Variants in PALD1 observed in about 807,000 individuals in gnomAD.
The protein encoded by PALD1 is phosphatase domain containing paladin 1.
In PALD1, 57 loss-of-function variants were observed where a neutral mutation model predicts 96.0. The observed-to-expected ratio is 0.59, with a 90% confidence interval of 0.48 to 0.74. The LOEUF is 0.74. Ranked by LOEUF, PALD1 falls within the 30% of genes least tolerant of loss-of-function variation. The pLI, the probability that PALD1 is intolerant of heterozygous loss-of-function variation, is 0.00. For synonymous variants in PALD1, 464 were observed against 473.6 expected, an observed-to-expected ratio of 0.98 and a Z score of 0.26; for missense variants, 1,063 against 1,143.7, an observed-to-expected ratio of 0.93 and a Z score of 1.02.
At chr10:70,566,176 T>C (rs1422059238) in intron 19 of PALD1, among the ~76,000 whole-genome samples, 1 of 152,132 alleles carries the variant, frequency 6.6e-6, no homozygotes, top group East Asian at 1.9e-4. Context: ...CAGGGGTGCC[T>C]CCAGCTAGCC....
At chr10:70,557,169 A>AAGTCACTTTGGCCT (rs1847628289) in intron 18 of PALD1, among the ~76,000 whole-genome samples, 1 of 152,214 alleles carries the variant, frequency 6.6e-6, no homozygotes, top group Admixed American at 6.5e-5. Flanking sequence ...AACCTTGGGC[A>AAGTCACTTTGGCCT]AGTCACTTTG....
the PALD1 span, among the ~76,000 whole-genome samples, chr10:70,463,395 G>A: frequency 1.3e-5 from 2 of 151,610 alleles, no homozygotes; most frequent in East Asian, 1.9e-4. Flanking sequence ...GCGAGACTCC[G>A]TCTCAAAAAA....
intron 1 of PALD1, among the ~76,000 whole-genome samples, chr10:70,491,063 A>G (rs965842621): frequency 1.3e-5 from 2 of 152,024 alleles, no homozygotes; most frequent in Admixed American, 1.3e-4. Context: ...CTTCTGCCTC[A>G]GCCTCCTGAG....
the PALD1 span, among the ~76,000 whole-genome samples, chr10:70,468,608 G>A: frequency 1.3e-5 from 2 of 151,962 alleles, no homozygotes; most frequent in Non-Finnish European, 2.9e-5. Flanking sequence ...CCCCTTCCCT[G>A]CCTTTGCCCA....
At chr10:70,495,162 T>C (rs1444745109) in intron 1 of PALD1, among the ~76,000 whole-genome samples, 3 of 152,262 alleles carry the variant, frequency 2.0e-5, no homozygotes, top group Non-Finnish European at 4.4e-5. Flanking sequence ...GCATGTGTCT[T>C]CACACGGCCG....
chr10:70,478,616 ACGT>A, upstream of PALD1, among the ~76,000 whole-genome samples: 1 of 151,936 alleles, frequency 6.6e-6, no homozygotes, highest in Non-Finnish European at 1.5e-5. Flanking sequence ...CAGCCGGGGA[ACGT>A]GGCGCCCGCG....
intron 1 of PALD1, among the ~76,000 whole-genome samples, chr10:70,514,371 AT>A (rs1160981077): frequency 6.6e-6 from 1 of 152,064 alleles, no homozygotes; most frequent in African/African-American, 2.4e-5. Context: ...CTTTTAAACT[AT>A]TTTTTTTCTA....
the PALD1 span, among the ~76,000 whole-genome samples, chr10:70,472,503 T>G: frequency 6.6e-6 from 1 of 152,030 alleles, no homozygotes; most frequent in Non-Finnish European, 1.5e-5. Flanking sequence ...TCAGGTGATC[T>G]GCCCGCCTCA....
chr10:70,537,941 C>T, intron 11 of PALD1, 35 bp downstream of exon 11: 1 of 1,396,552 alleles, frequency 7.2e-7, no homozygotes, highest in South Asian at 1.2e-5. Flanking sequence ...ACGTCCCCTC[C>T]TCCTGGGCCT....
chr10:70,463,867 C>A, the PALD1 span, among the ~76,000 whole-genome samples: 1 of 152,126 alleles, frequency 6.6e-6, no homozygotes, highest in African/African-American at 2.4e-5. Flanking sequence ...GGAATATGGA[C>A]AAGCTAGTTC....
intron 18 of PALD1, 122 bp from the exon 19 acceptor site, chr10:70,564,242 C>T: frequency 9.6e-7 from 1 of 1,036,538 alleles, no homozygotes; most frequent in Non-Finnish European, 1.4e-6. Context: ...CAGGTGGAAG[C>T]AACGCCCTCA....
chr10:70,495,982 G>T (rs1448387383), intron 1 of PALD1, among the ~76,000 whole-genome samples: 1 of 151,972 alleles, frequency 6.6e-6, no homozygotes, highest in Non-Finnish European at 1.5e-5. Context: ...CTGTACTCCA[G>T]CCTGGGCAAC....
chr10:70,485,445 T>C (rs1209845492), intron 1 of PALD1: 1 of 152,856 alleles, frequency 6.5e-6, no homozygotes, highest in African/African-American at 2.4e-5. Context: ...GTTTCACTCT[T>C]GTTGCCCAGG....
rs761224374 is a variant in PALD1, at chr10:70,538,230, A to G, written c.1324-50A>G. On this transcript the variant is annotated intron_variant, in intron 11 of 19. Transcript: ENST00000263563. ...GCCATGGTGTGGGCAGGGAGGGTTCAGGATGGCCCTGTGCCCCTGAATTCC... is the reference window on the plus strand; with the variant it reads ...GCCATGGTGTGGGCAGGGAGGGTTCGGGATGGCCCTGTGCCCCTGAATTCC... The G allele has an allele frequency of 8.2e-6, 13 of 1,591,934 alleles. No individual in the cohort carries two copies. In the African/African-American group the frequency reaches 1.5e-4, roughly 18 times the overall value.
chr10:70,552,352 G>A lies in PALD1; in HGVS notation c.2262+4906G>A, dbSNP rs145569086. Among the ~76,000 whole-genome samples, 4 of 152,302 alleles carry A rather than the reference G, an allele frequency of 2.6e-5. No individual in the cohort carries two copies. The East Asian group carries it at 7.7e-4, about 29-fold the overall frequency. On this transcript the variant is annotated intron_variant, in intron 18 of 19. Transcript: ENST00000263563. ...TCTTTCCTGTCGTCTTCTGGGATGG[G>A]GGGTGATGTGGACCTCGTAGCGCAT...
At chr10:70,547,587 T>G (rs1847396016) in intron 18 of PALD1, 141 bp downstream of exon 18, 1 of 602,110 alleles carries the variant, frequency 1.7e-6, no homozygotes. Flanking sequence ...TTCCACCTTC[T>G]GGAAGTGGAA....
Position 70,534,531 on chromosome 10 carries a change from G to A in PALD1, c.1122+7G>A, listed in dbSNP as rs776443519. 185 of 1,600,172 alleles carry A rather than the reference G, an allele frequency of 1.2e-4. No individual in the cohort carries two copies. The highest frequency in any genetic ancestry group is 1.5e-4 in the Non-Finnish European group (174 of 1,169,352). On this transcript the variant is annotated splice_region_variant and intron_variant, in intron 9 of 19. Transcript: ENST00000263563. ...AAGGAGGATGGTGGAAGAGGTGAGT[G>A]AGGGACAGCAAAGGGCTGGGGCAGG...
At chr10:70,546,826 C>T (rs1420493997) in intron 17 of PALD1, among the ~76,000 whole-genome samples, 1 of 152,132 alleles carries the variant, frequency 6.6e-6, no homozygotes, top group Non-Finnish European at 1.5e-5. Context: ...TGGCATGGGC[C>T]TTTAGTCCCA....
At chr10:70,504,368 A>C (rs1311384900) in intron 1 of PALD1, among the ~76,000 whole-genome samples, 1 of 152,128 alleles carries the variant, frequency 6.6e-6, no homozygotes, top group Non-Finnish European at 1.5e-5. Context: ...CTCTACTAAA[A>C]ATACAAAAAT....
Sources: allele counts gnomAD v4.1 joint callset (sites outside exome capture counted in the v4.1 genomes callset), GRCh38; gene constraint gnomAD v4.1.1; transcripts MANE v1.5; gene names NCBI Gene and HGNC (gene_info 2026-07-23, HGNC 2026-07-21).